Variants in GTF2H3 observed in about 807,000 individuals in gnomAD.
The protein encoded by GTF2H3 is TFIIH basal transcription factor complex p34 subunit.
GTF2H3 carries 42 observed loss-of-function variants against 51.1 expected under a neutral mutation model. That is an observed-to-expected ratio of 0.82 (90% CI 0.64 to 1.06). The LOEUF (loss-of-function observed/expected upper bound fraction) is 1.06, where lower values mean the gene tolerates loss of function less well. Among genes scored for constraint, GTF2H3 ranks in the 50% least tolerant of loss-of-function variants. The pLI, the probability that GTF2H3 is intolerant of heterozygous loss-of-function variation, is 0.00. For synonymous variants in GTF2H3, 123 were observed against 123.8 expected (o/e 0.99, Z 0.04); for missense variants, 326 against 366.1 (o/e 0.89, Z 0.89).
intron 4 of GTF2H3, chr12:123,648,399 C>T (rs1026652601): frequency 1.3e-5 from 3 of 234,196 alleles, no homozygotes; most frequent in Non-Finnish European, 2.4e-5. Flanking sequence ...ATTTCATAGT[C>T]TCTATTTCTG....
intron 4 of GTF2H3, chr12:123,648,958 TC>T (rs1353930658): frequency 7.9e-5 from 12 of 152,702 alleles, no homozygotes; most frequent in African/African-American, 2.6e-4. Context: ...CCAGCCCCCA[TC>T]CCTATTGTCA....
Position 123,655,779 on chromosome 12 carries a change from G to T in GTF2H3, c.570G>T (p.Leu190Phe), listed in dbSNP as rs1196136305. 3 of 1,580,278 alleles carry T rather than the reference G, an allele frequency of 1.9e-6. No individual in the cohort carries two copies. Among genetic ancestry groups the T allele is most frequent in the Admixed American group, 1.7e-5 (1 of 59,834 alleles). The change falls in exon 9 of 13, where the codon TTG becomes TTT. Residue 190 changes from leucine (L) to phenylalanine (F), a missense_variant. Leu to Phe is a conservative substitution (Grantham distance 22). Transcript: ENST00000543341. ...VIFAAQKQNI[L>F]IDACVLDSDS... ...CAAAATGTTTCTTTTAGAATATTTT[G>T]ATTGATGCCTGTGTTTTAGACTCCG...
At chr12:123,639,019 T>C (rs568154760) in intron 1 of GTF2H3, among the ~76,000 whole-genome samples, 1 of 152,068 alleles carries the variant, frequency 6.6e-6, no homozygotes, top group East Asian at 1.9e-4. Flanking sequence ...ATGGTCTCGA[T>C]CTCCTGACCT....
rs1475688617 is a variant in GTF2H3 at position 123,645,562 on chromosome 12, G to T, written c.200+1G>T. Reference sequence around the variant, plus strand: ...TGATAGCAAGTCACATTCAAGAAAGGTATGACCATTGTGATTGCTTTTGCT... The same window carrying T: ...TGATAGCAAGTCACATTCAAGAAAGTTATGACCATTGTGATTGCTTTTGCT... On this transcript the variant is annotated splice_donor_variant, in intron 3 of 12. Coordinates refer to ENST00000543341, the MANE Select transcript of GTF2H3 (RefSeq NM_001516.5). LOFTEE classifies it high-confidence loss of function. 6.7e-7 allele frequency: 1 copy of T among 1,498,826 alleles called. No homozygotes were observed. The highest frequency in any genetic ancestry group is 1.1e-5 in the South Asian group (1 of 88,544). The allele number at this position is 1,498,826 out of a possible 1,614,324, so 92.8% of individuals were successfully genotyped here. A position where few individuals can be genotyped will look rare whatever the true frequency, so the allele number is the denominator to read the frequency against.
Position 123,645,499 on chromosome 12 carries a change from T to G in GTF2H3, c.138T>G (p.Asn46Lys). The change falls in exon 3 of 13, where the codon AAT (asparagine) becomes AAG (lysine). Residue 46 changes from asparagine (N) to lysine (K), a missense_variant. Coordinates refer to ENST00000543341, the MANE Select transcript of GTF2H3 (RefSeq NM_001516.5). ...TAGATGCCGTGATGGTGCTGGGAAA[T>G]TCGCATTTATTCATGAATCGTTCCA... is the stretch of plus-strand genomic sequence containing the variant. Reference protein sequence around the residue: ...KCIDAVMVLGNSHLFMNRSNK... With the variant: ...KCIDAVMVLGKSHLFMNRSNK... The G allele has an allele frequency of 5.0e-6, 8 of 1,610,414 alleles. No individual in the cohort carries two copies. In the Middle Eastern group the frequency reaches 1.3e-3, roughly 266 times the overall value.
intron 1 of GTF2H3, among the ~76,000 whole-genome samples, chr12:123,638,463 G>A (rs1303991106): frequency 1.3e-5 from 2 of 151,848 alleles, no homozygotes; most frequent in South Asian, 2.1e-4. Flanking sequence ...GAGCCACCGC[G>A]CCCGGCCCTA....
intron 2 of GTF2H3, among the ~76,000 whole-genome samples, chr12:123,645,072 C>CT (rs1207362069): frequency 2.0e-5 from 3 of 151,864 alleles, no homozygotes; most frequent in Non-Finnish European, 2.9e-5. Flanking sequence ...TAAATGAAGT[C>CT]TTTTTTTTGT....
chr12:123,636,688 C>T (rs532204887), intron 1 of GTF2H3, among the ~76,000 whole-genome samples: 7 of 152,248 alleles, frequency 4.6e-5, no homozygotes, highest in Non-Finnish European at 8.8e-5. Flanking sequence ...GAGGCCAAGG[C>T]GGGCAGATCA....
rs1472325496 is a variant in GTF2H3, at chr12:123,648,079, C to T, written c.317C>T (p.Ser106Leu). The T allele has an allele frequency of 6.2e-7, 1 of 1,611,018 alleles. No individual in the cohort carries two copies. Among genetic ancestry groups the T allele is most frequent in the Non-Finnish European group, 8.5e-7 (1 of 1,177,734 alleles). ...GATGGAAAATACGAACTTTTAACCT[C>T]AGCAAATGAAGTTATTGTTGAAGAG... The part of the protein sequence containing the change: ...SKDGKYELLT[S>L]ANEVIVEEIK... The change falls in exon 4 of 13, where the codon TCA becomes TTA. Residue 106 changes from serine (S) to leucine (L), a missense_variant. Physicochemically the swap from Ser to Leu is moderately radical, Grantham distance 145 (BLOSUM62 -2). Coordinates refer to ENST00000543341, the MANE Select transcript of GTF2H3 (RefSeq NM_001516.5).
intron 2 of GTF2H3, among the ~76,000 whole-genome samples, chr12:123,641,074 C>T (rs942369222): frequency 6.6e-6 from 1 of 152,114 alleles, no homozygotes; most frequent in Non-Finnish European, 1.5e-5. Context: ...ATCACTGGTG[C>T]CCAGGCGGTT....
At chr12:123,633,896 T>G in intron 1 of GTF2H3, 24 bp downstream of exon 1, 1 of 1,612,862 alleles carries the variant, frequency 6.2e-7, no homozygotes, top group Non-Finnish European at 8.5e-7. Flanking sequence ...AGGGCGGGAC[T>G]TCGACTCCGG....
intron 9 of GTF2H3, among the ~76,000 whole-genome samples, chr12:123,658,447 T>G (rs1197182518): frequency 6.6e-6 from 1 of 152,168 alleles, no homozygotes; most frequent in African/African-American, 2.4e-5. Flanking sequence ...ATCGAACTCC[T>G]GACCTCAAGT....
rs141711355 is a variant in GTF2H3, at chr12:123,655,798, G to C, written c.589G>C (p.Asp197His). The stretch of plus-strand genomic sequence containing the variant: ...TATTTTGATTGATGCCTGTGTTTTA[G>C]ACTCCGACTCAGGGCTCCTCCAACA... ...QNILIDACVLDSDSGLLQQAC... is the reference protein window; with the variant it reads ...QNILIDACVLHSDSGLLQQAC... The change falls in exon 9 of 13, where the codon GAC (aspartate) becomes CAC (histidine). Residue 197 changes from aspartate (D) to histidine (H), a missense_variant. Physicochemically the swap from Asp to His is moderately conservative, Grantham distance 81. Transcript: ENST00000543341. The C allele has an allele frequency of 1.9e-6, 3 of 1,600,884 alleles. No individual in the cohort carries two copies. Among genetic ancestry groups the C allele is most frequent in the East Asian group, 4.5e-5 (2 of 44,776 alleles).
In GTF2H3 at chr12:123,662,137, A is replaced by C. The variant is rs1955666244; in HGVS notation, c.*1902A>C. 1 of 59,058 alleles carries C rather than the reference A, an allele frequency of 1.7e-5. No homozygotes were observed. 3.7% of individuals were successfully genotyped at this position (59,058 alleles called of 1,614,324 possible). ...GCGACAAGAACAAAACTCTGTCTCA[A>C]AAAAAAAAAAAAAAAAAAAGTCTGT... On this transcript the variant is annotated 3_prime_UTR_variant, in exon 13 of 13. Transcript: ENST00000543341.
intron 2 of GTF2H3, 123 bp from the exon 3 acceptor site, chr12:123,645,332 G>A: frequency 3.2e-6 from 2 of 620,802 alleles, no homozygotes; most frequent in Non-Finnish European, 5.8e-6. Context: ...GGCCTCTCAG[G>A]GTGCTGGGAT....
chr12:123,639,167 T>C, intron 1 of GTF2H3, 97 bp from the exon 2 acceptor site: 1 of 683,724 alleles, frequency 1.5e-6, no homozygotes, highest in Non-Finnish European at 2.6e-6. Context: ...AGGCATATAG[T>C]GGTGCTCTGG....
In GTF2H3 at chr12:123,660,782, C is replaced by T. The variant is rs888794467; in HGVS notation, c.*547C>T. ...TGTCTGATATCAGTACATATTTGGA[C>T]AAAGTCATCTAAATAATAGTTTGTC... On this transcript the variant is annotated 3_prime_UTR_variant, in exon 13 of 13. Transcript: ENST00000543341. The T allele has an allele frequency of 1.3e-5, 2 of 152,136 alleles. No homozygotes were observed. Among genetic ancestry groups the T allele is most frequent in the Non-Finnish European group, 2.9e-5 (2 of 68,074 alleles). 9.4% of individuals were successfully genotyped at this position (152,136 alleles called of 1,614,324 possible). A position where few individuals can be genotyped will look rare whatever the true frequency, so the allele number is the denominator to read the frequency against.
chr12:123,637,779 C>G (rs780236739), intron 1 of GTF2H3, among the ~76,000 whole-genome samples: 1 of 151,926 alleles, frequency 6.6e-6, no homozygotes, highest in Admixed American at 6.6e-5. Flanking sequence ...CTGGGATGGG[C>G]GCCCAGCCTG....
chr12:123,655,090 ACG>A, intron 8 of GTF2H3, 92 bp downstream of exon 8: 1 of 948,588 alleles, frequency 1.1e-6, no homozygotes, highest in Admixed American at 1.8e-5. Flanking sequence ...TATTCTGACT[ACG>A]TAGGCTTATG....
Sources: allele counts gnomAD v4.1 joint callset (sites outside exome capture counted in the v4.1 genomes callset), GRCh38; gene constraint gnomAD v4.1.1; transcripts MANE v1.5; gene names NCBI Gene and HGNC (gene_info 2026-07-23, HGNC 2026-07-21).